The following BMPR2 variants were observed in gnomAD, a reference collection of about 807,000 sequenced individuals.
BMPR2 encodes the protein bone morphogenetic protein receptor type 2.
Under a neutral mutation model 100.8 loss-of-function variants are expected in BMPR2, and 29 were observed. That is an observed-to-expected ratio of 0.29 (90% CI 0.21 to 0.39). The LOEUF (loss-of-function observed/expected upper bound fraction) is 0.39, where lower values mean the gene tolerates loss of function less well. Among genes scored for constraint, BMPR2 ranks in the 10% least tolerant of loss-of-function variants. The probability of loss-of-function intolerance (pLI) is 1.00; values close to 1 mark genes in which losing one functional copy is unlikely to be tolerated. For synonymous variants in BMPR2, 382 were observed against 442.3 expected (o/e 0.86, Z 1.71); for missense variants, 1,011 against 1,274.5 (o/e 0.79, Z 3.15).
At chr2:202,514,839 T>A (rs373649395) in intron 4 of BMPR2, 49 bp from the exon 5 acceptor site, 18 of 1,423,000 alleles carry the variant, frequency 1.3e-5, no homozygotes, top group Non-Finnish European at 1.8e-5. Context: ...TAAAAAGATA[T>A]TCATTTTAAG....
chr2:202,534,400 C>T lies in BMPR2; in HGVS notation c.1276+1668C>T, dbSNP rs1293004449. Among the ~76,000 whole-genome samples, 9 of 151,622 alleles carry T rather than the reference C, an allele frequency of 5.9e-5. No homozygotes were observed. In the East Asian group the frequency reaches 1.7e-3, roughly 29 times the overall value. On this transcript the variant is annotated intron_variant, in intron 9 of 12. Coordinates refer to ENST00000374580, the MANE Select transcript of BMPR2 (RefSeq NM_001204.7). ...TCTCTGGTTTTCCTAGGCAGAGGAC[C>T]CTGCGGCCTTCCGCAGTGTTTGTGT... is the stretch of plus-strand genomic sequence containing the variant.
chr2:202,470,549 C>G (rs945724820), intron 3 of BMPR2, among the ~76,000 whole-genome samples: 1 of 150,838 alleles, frequency 6.6e-6, no homozygotes, highest in African/African-American at 2.4e-5. Flanking sequence ...ATCATGAGGT[C>G]AGGAGATCGA....
Position 202,376,957 on chromosome 2 carries a change from A to G in BMPR2, c.-518A>G. 4.5e-6 allele frequency: 2 copies of G among 449,170 alleles called. No individual in the cohort carries two copies. The highest frequency in any genetic ancestry group is 3.3e-5 in the East Asian group (1 of 30,072). 27.8% of individuals were successfully genotyped at this position (449,170 alleles called of 1,614,324 possible). ...TGAAGGAAGCACCGAAGCGAAACTT[A>G]AGGAATCCTGCCTTCCCGGAGCCGC... is the stretch of plus-strand genomic sequence containing the variant. On this transcript the variant is annotated 5_prime_UTR_variant, in exon 1 of 13. Transcript: ENST00000374580.
At position 202,514,748 on chromosome 2, in the gene BMPR2, T is replaced by C. The variant is rs976805408; in HGVS notation, c.530-140T>C. On this transcript the variant is annotated intron_variant, in intron 4 of 12. Transcript: ENST00000374580. Reference sequence around the variant, plus strand: ...TATTACCTAGTTTAGTAAATAGCTTTACTCCTATTGACATTAGGCATAAAT... The same window carrying C: ...TATTACCTAGTTTAGTAAATAGCTTCACTCCTATTGACATTAGGCATAAAT... The C allele has an allele frequency of 7.2e-5, 51 of 710,172 alleles. 1 individual carries two copies. In the Admixed American group the frequency reaches 1.2e-3, roughly 17 times the overall value. The allele number at this position is 710,172 out of a possible 1,614,324, so 44.0% of individuals were successfully genotyped here. A position where few individuals can be genotyped will look rare whatever the true frequency, so the allele number is the denominator to read the frequency against.
At chr2:202,531,689 T>C (rs1248361422) in intron 8 of BMPR2, among the ~76,000 whole-genome samples, 1 of 152,216 alleles carries the variant, frequency 6.6e-6, no homozygotes, top group Non-Finnish European at 1.5e-5. Flanking sequence ...TGGAGTGCAA[T>C]GGTGCAATCT....
At chr2:202,395,648 G>T (rs1165003112) in intron 1 of BMPR2, among the ~76,000 whole-genome samples, 1 of 152,126 alleles carries the variant, frequency 6.6e-6, no homozygotes, top group African/African-American at 2.4e-5. Flanking sequence ...AAAGCTTACA[G>T]TTCCTAGCTG....
chr2:202,565,143 C>T lies in BMPR2; in HGVS notation c.*5197C>T, dbSNP rs1173710143. 6.6e-6 allele frequency: 1 copy of T among 152,132 alleles called. No homozygotes were observed. Among genetic ancestry groups the T allele is most frequent in the Non-Finnish European group, 1.5e-5 (1 of 68,014 alleles). The allele number at this position is 152,132 out of a possible 1,614,324, so 9.4% of individuals were successfully genotyped here. ...TAGTCTGTGTCAGGAAAGTTTTCTTCATATCTATTCTGTCTCCCTCCTCTT... is the reference window on the plus strand; with the variant it reads ...TAGTCTGTGTCAGGAAAGTTTTCTTTATATCTATTCTGTCTCCCTCCTCTT... On this transcript the variant is annotated 3_prime_UTR_variant, in exon 13 of 13. Coordinates refer to ENST00000374580, the MANE Select transcript of BMPR2 (RefSeq NM_001204.7).
chr2:202,515,325 A>T (rs1364871995), intron 5 of BMPR2, among the ~76,000 whole-genome samples: 1 of 152,116 alleles, frequency 6.6e-6, no homozygotes, highest in Non-Finnish European at 1.5e-5. Context: ...TAATCCCAGT[A>T]CTTTGGGAGG....
chr2:202,557,598 C>T (rs557137008), intron 12 of BMPR2, among the ~76,000 whole-genome samples: 3 of 151,878 alleles, frequency 2.0e-5, no homozygotes, highest in East Asian at 1.9e-4. Context: ...ACCCAGGAGG[C>T]GGAGGTTGCA....
At chr2:202,539,200 T>TA (rs1218130747) in intron 9 of BMPR2, among the ~76,000 whole-genome samples, 1 of 152,178 alleles carries the variant, frequency 6.6e-6, no homozygotes, top group East Asian at 1.9e-4. Context: ...GGAAGCTGAT[T>TA]AAAAAATAAA....
intron 3 of BMPR2, among the ~76,000 whole-genome samples, chr2:202,507,820 C>T (rs1687552846): frequency 6.6e-6 from 1 of 151,796 alleles, no homozygotes; most frequent in African/African-American, 2.4e-5. Context: ...CTGCCTCAGC[C>T]TCATGAGTAG....
intron 7 of BMPR2, among the ~76,000 whole-genome samples, chr2:202,524,321 C>T (rs932375407): frequency 2.7e-5 from 4 of 149,124 alleles, no homozygotes; most frequent in Non-Finnish European, 5.9e-5. Context: ...GAGATCGCGC[C>T]ACTGCACTCC....
At chr2:202,516,797 C>T (rs560256962) in intron 5 of BMPR2, among the ~76,000 whole-genome samples, 10 of 152,184 alleles carry the variant, frequency 6.6e-5, no homozygotes, top group Non-Finnish European at 1.3e-4. Context: ...GATAGAAACA[C>T]TTCCAAACAT....
At chr2:202,428,454 A>C (rs1194428792) in intron 1 of BMPR2, among the ~76,000 whole-genome samples, 1 of 151,650 alleles carries the variant, frequency 6.6e-6, no homozygotes, top group Non-Finnish European at 1.5e-5. Flanking sequence ...GCTGGAGCGC[A>C]ATGGTGCGGT....
chr2:202,502,845 C>G (rs1045089039), intron 3 of BMPR2, among the ~76,000 whole-genome samples: 1 of 152,176 alleles, frequency 6.6e-6, no homozygotes, highest in Non-Finnish European at 1.5e-5. Context: ...AATTCTTATA[C>G]CAGCCTCTGG....
At chr2:202,379,263 T>G (rs1690219717) in intron 1 of BMPR2, among the ~76,000 whole-genome samples, 1 of 152,230 alleles carries the variant, frequency 6.6e-6, no homozygotes, top group Non-Finnish European at 1.5e-5. Flanking sequence ...TACATATATT[T>G]TTTCATTTCG....
At chr2:202,491,620 C>T (rs994917328) in intron 3 of BMPR2, among the ~76,000 whole-genome samples, 15 of 151,900 alleles carry the variant, frequency 9.9e-5, no homozygotes, top group African/African-American at 3.6e-4. Flanking sequence ...GACCAGGTTT[C>T]ATGATATTGG....
intron 4 of BMPR2, among the ~76,000 whole-genome samples, chr2:202,514,117 T>A (rs1687672018): frequency 6.6e-6 from 1 of 151,912 alleles, no homozygotes; most frequent in Non-Finnish European, 1.5e-5. Context: ...TACAAGAGCT[T>A]TTTTTAAAAT....
chr2:202,402,648 TTGTGTGTGTGTG>T (rs113771026), intron 1 of BMPR2, among the ~76,000 whole-genome samples: 4 of 146,326 alleles, frequency 2.7e-5, no homozygotes, highest in Admixed American at 1.4e-4. Flanking sequence ...AAAACTTGCA[TTGTGTGTGTGTG>T]TGTGTGTGTG....
Sources: gnomAD v4.1 joint callset for allele counts (sites outside exome capture counted in the v4.1 genomes callset) on GRCh38, gnomAD v4.1.1 for gene constraint, MANE v1.5 for transcripts, NCBI Gene and HGNC (gene_info 2026-07-23, HGNC 2026-07-21) for gene names.